RTRAF: variants seen among roughly 807,000 people sequenced by gnomAD.
The protein encoded by RTRAF is RNA transcription, translation and transport factor.
In RTRAF, 14 loss-of-function variants were observed where a neutral mutation model predicts 34.4. The observed-to-expected ratio is 0.41, with a 90% CI of 0.27 to 0.64. RTRAF has a LOEUF of 0.64. Ranked by LOEUF, RTRAF falls within the 30% of genes least tolerant of loss-of-function variation. The pLI is 0.34. For missense variants in RTRAF, 291 were observed against 288.4 expected (o/e 1.01, Z -0.06); for synonymous variants, 96 against 95.3 (o/e 1.01, Z -0.04).
chr14:52,005,584 A>AAACTAGGTAGATTT lies in RTRAF; in HGVS notation c.*1071_*1084dup. 1 of 1,509,102 alleles carries AAACTAGGTAGATTT rather than the reference A, an allele frequency of 6.6e-7. No individual in the cohort carries two copies. The highest frequency in any genetic ancestry group is 9.1e-7 in the Non-Finnish European group (1 of 1,098,618). The allele number at this position is 1,509,102 out of a possible 1,614,324, so 93.5% of individuals were successfully genotyped here. ...CAGCAAGTCTTTGCATTTTGTGTAT[A>AAACTAGGTAGATTT]AACTAGGTAGATTTAAGGTAGTAAA... is the stretch of plus-strand genomic sequence containing the variant. On this transcript the variant is annotated 3_prime_UTR_variant, in exon 8 of 8. Coordinates refer to ENST00000261700, the MANE Select transcript of RTRAF (RefSeq NM_016039.3).
At chr14:52,002,345 C>T (rs762078511) in intron 6 of RTRAF, among the ~76,000 whole-genome samples, 2 of 152,116 alleles carry the variant, frequency 1.3e-5, no homozygotes, top group African/African-American at 2.4e-5. Context: ...CTAAGGTCAC[C>T]TAGTTGGTAA....
At chr14:52,001,391 C>G (rs572283852) in intron 5 of RTRAF, among the ~76,000 whole-genome samples, 252 of 152,228 alleles carry the variant, frequency 1.7e-3, no homozygotes, top group South Asian at 2.5e-3. Context: ...ATCTGCTACC[C>G]TTTGTGTCAA....
At chr14:51,998,811 A>G (rs1454572859) in intron 4 of RTRAF, among the ~76,000 whole-genome samples, 1 of 151,632 alleles carries the variant, frequency 6.6e-6, no homozygotes, top group African/African-American at 2.4e-5. Flanking sequence ...AGTAATTTGG[A>G]GTTTTGATTT....
chr14:52,001,989 A>G (rs1890608439), intron 6 of RTRAF, 123 bp downstream of exon 6: 1 of 866,468 alleles, frequency 1.2e-6, no homozygotes, highest in African/African-American at 1.7e-5. Flanking sequence ...TAGAGAAAGG[A>G]TAGCTTACTT....
At chr14:51,998,895 CAA>C (rs950557766) in intron 4 of RTRAF, among the ~76,000 whole-genome samples, 1 of 151,878 alleles carries the variant, frequency 6.6e-6, no homozygotes, top group Admixed American at 6.6e-5. Flanking sequence ...CTCTATCAGA[CAA>C]GTGGTAAAAT....
In RTRAF at chr14:52,004,711, TGTATGTTTGCATAA is replaced by T; in HGVS notation, c.*196_*209del. ...GGAAAGTAGAATTTTTATTATGTAC[TGTATGTTTGCATAA>T]ATCACCTTTCTCCTTTGTGGTTAAG... On this transcript the variant is annotated 3_prime_UTR_variant, in exon 8 of 8. Coordinates refer to ENST00000261700, the MANE Select transcript of RTRAF (RefSeq NM_016039.3). 2.0e-6 allele frequency: 1 copy of T among 511,796 alleles called. No individual in the cohort carries two copies. The highest frequency in any genetic ancestry group is 3.3e-6 in the Non-Finnish European group (1 of 299,524). The allele number at this position is 511,796 out of a possible 1,614,324, so 31.7% of individuals were successfully genotyped here.
At position 52,004,355 on chromosome 14, in the gene RTRAF, A is replaced by AAAAC. The variant is rs1281366741; in HGVS notation, c.581-5_581-2dup. The AAAAC allele has an allele frequency of 1.6e-5, 26 of 1,612,818 alleles. No individual in the cohort carries two copies. Among genetic ancestry groups the AAAAC allele is most frequent in the East Asian group, 6.7e-5 (3 of 44,882 alleles). ...TATTGAAGCAGTGTTCTTTTCTCAT[A>AAAAC]AAACAGATGCAGTTCTTAATGAAGC... On this transcript the variant is annotated splice_region_variant and splice_polypyrimidine_tract_variant and intron_variant, in intron 7 of 7. Coordinates refer to ENST00000261700, the MANE Select transcript of RTRAF (RefSeq NM_016039.3).
At position 52,007,813 on chromosome 14, in the gene RTRAF, C is replaced by T. The variant is rs1368572613; in HGVS notation, c.*3297C>T. 1 of 1,613,474 alleles carries T rather than the reference C, an allele frequency of 6.2e-7. No homozygotes were observed. The highest frequency in any genetic ancestry group is 8.5e-7 in the Non-Finnish European group (1 of 1,179,644). On this transcript the variant is annotated 3_prime_UTR_variant, in exon 8 of 8. Coordinates refer to ENST00000261700, the MANE Select transcript of RTRAF (RefSeq NM_016039.3). The stretch of plus-strand genomic sequence containing the variant: ...TGCATTCCATCAGTAGTATTACCTG[C>T]ATCTGCCCAGCAGAGCAGTTTAGAG...
At chr14:52,001,610 T>C (rs1890602657) in intron 5 of RTRAF, among the ~76,000 whole-genome samples, 188 bp from the exon 6 acceptor site, 1 of 152,220 alleles carries the variant, frequency 6.6e-6, no homozygotes, top group Non-Finnish European at 1.5e-5. Flanking sequence ...ATTATTAAAA[T>C]ACTAGAAGTG....
intron 3 of RTRAF, among the ~76,000 whole-genome samples, chr14:51,995,547 C>T (rs1890505611): frequency 6.6e-6 from 1 of 152,090 alleles, no homozygotes; most frequent in Non-Finnish European, 1.5e-5. Flanking sequence ...TACACAGGTT[C>T]CAGGGATCAG....
At chr14:52,003,708 T>C (rs1231941155) in intron 6 of RTRAF, among the ~76,000 whole-genome samples, 1 of 151,942 alleles carries the variant, frequency 6.6e-6, no homozygotes, top group African/African-American at 2.4e-5. Context: ...GAAAGTTAAA[T>C]TATACATAAT....
At chr14:51,991,228 TC>T (rs1890429364) in intron 1 of RTRAF, 88 bp from the exon 2 acceptor site, 1 of 1,359,266 alleles carries the variant, frequency 7.4e-7, no homozygotes. Flanking sequence ...TTAAGAAAAT[TC>T]CACAAGAACA....
At chr14:52,002,626 G>A (rs767224395) in intron 6 of RTRAF, among the ~76,000 whole-genome samples, 1 of 152,228 alleles carries the variant, frequency 6.6e-6, no homozygotes, top group Non-Finnish European at 1.5e-5. Context: ...ATCCAAAGAT[G>A]CCTAAAGTTT....
chr14:52,006,679 A>AAAATGAGGTCCTTCAGCTG lies in RTRAF; in HGVS notation c.*2164_*2182dup. 1 of 1,612,124 alleles carries AAAATGAGGTCCTTCAGCTG rather than the reference A, an allele frequency of 6.2e-7. No homozygotes were observed. On this transcript the variant is annotated 3_prime_UTR_variant, in exon 8 of 8. Coordinates refer to ENST00000261700, the MANE Select transcript of RTRAF (RefSeq NM_016039.3). The stretch of plus-strand genomic sequence containing the variant: ...TTGGTTCCTTTTAAAACAAAGGGGG[A>AAAATGAGGTCCTTCAGCTG]AAATGAGGTCCTTCAGCTGCTTTGC...
At chr14:52,002,218 A>G (rs1019621536) in intron 6 of RTRAF, among the ~76,000 whole-genome samples, 1 of 152,208 alleles carries the variant, frequency 6.6e-6, no homozygotes, top group Non-Finnish European at 1.5e-5. Flanking sequence ...GAAGGAACAC[A>G]CCTCACTACA....
At chr14:52,001,599 C>T (rs1341706145) in intron 5 of RTRAF, among the ~76,000 whole-genome samples, 199 bp from the exon 6 acceptor site, 1 of 152,126 alleles carries the variant, frequency 6.6e-6, no homozygotes, top group Non-Finnish European at 1.5e-5. Flanking sequence ...CACCATTCAA[C>T]ATTATTAAAA....
Position 52,004,692 on chromosome 14 carries a change from T to A in RTRAF, c.*176T>A, listed in dbSNP as rs183368526. 1 of 587,978 alleles carries A rather than the reference T, an allele frequency of 1.7e-6. No homozygotes were observed. Among genetic ancestry groups the A allele is most frequent in the African/African-American group, 1.9e-5 (1 of 52,290 alleles). 36.4% of individuals were successfully genotyped at this position (587,978 alleles called of 1,614,324 possible). ...TTTTCTTTAATAAAGTTTAGGAAAG[T>A]AGAATTTTTATTATGTACTGTATGT... On this transcript the variant is annotated 3_prime_UTR_variant, in exon 8 of 8. Coordinates refer to ENST00000261700, the MANE Select transcript of RTRAF (RefSeq NM_016039.3).
In RTRAF at chr14:52,006,332, C is replaced by T; in HGVS notation, c.*1816C>T. 1.8e-6 allele frequency: 1 copy of T among 550,764 alleles called. No individual in the cohort carries two copies. 34.1% of individuals were successfully genotyped at this position (550,764 alleles called of 1,614,324 possible). Reference sequence around the variant, plus strand: ...ATATGTGAGCAATACCATTCGATTTCTGGGTGAAGTAAAAGGATGATTTCA... The same window carrying T: ...ATATGTGAGCAATACCATTCGATTTTTGGGTGAAGTAAAAGGATGATTTCA... On this transcript the variant is annotated 3_prime_UTR_variant, in exon 8 of 8. Transcript: ENST00000261700.
chr14:51,989,740 T>C (rs1291304143), intron 1 of RTRAF, 40 bp downstream of exon 1: 2 of 1,564,410 alleles, frequency 1.3e-6, no homozygotes, highest in Non-Finnish European at 1.7e-6. Flanking sequence ...GTCCCTGACC[T>C]GGGCGGAGGT....
Sources: gnomAD v4.1 joint callset for allele counts (sites outside exome capture counted in the v4.1 genomes callset) on GRCh38, gnomAD v4.1.1 for gene constraint, MANE v1.5 for transcripts, NCBI Gene and HGNC (gene_info 2026-07-23, HGNC 2026-07-21) for gene names.